The following CROCC variants were observed in gnomAD, a reference collection of about 807,000 sequenced individuals.
CROCC encodes the protein rootletin.
Under a neutral mutation model 245.2 loss-of-function variants are expected in CROCC, and 180 were observed. The ratio of observed to expected loss-of-function variants is 0.73; its 90% CI spans 0.65 to 0.83. The LOEUF is 0.83. Among genes scored for constraint, CROCC ranks in the 40% least tolerant of loss-of-function variants. The pLI, the probability that CROCC is intolerant of heterozygous loss-of-function variation, is 0.00. For missense variants in CROCC, 2,688 were observed against 2,779.4 expected (o/e 0.97, Z 0.74); for synonymous variants, 1,205 against 1,241.6 (o/e 0.97, Z 0.62).
Position 16,956,007 on chromosome 1 carries a change from G to A in CROCC, c.3715G>A (p.Ala1239Thr). ...AESERISLKL[A>T]NEDKEQKLAL... ...CTCTGCCCTCTCCAGCCTGAAGCTTGCCAATGAGGACAAGGAGCAGAAGCT... is the reference window on the plus strand; with the variant it reads ...CTCTGCCCTCTCCAGCCTGAAGCTTACCAATGAGGACAAGGAGCAGAAGCT... Residue 1239 changes from alanine (A) to threonine (T), a missense_variant, in exon 25 of 37, where the codon GCC becomes ACC. By Grantham distance (58) the Ala-to-Thr change is moderately conservative. Coordinates refer to ENST00000375541, the MANE Select transcript of CROCC (RefSeq NM_014675.5). The A allele has an allele frequency of 6.4e-7, 1 of 1,550,562 alleles. No individual in the cohort carries two copies. Among genetic ancestry groups the A allele is most frequent in the Non-Finnish European group, 8.7e-7 (1 of 1,147,020 alleles).
Position 16,946,945 on chromosome 1 carries a change from C to T in CROCC, c.2468C>T (p.Pro823Leu). The change falls in exon 17 of 37, where the codon CCC becomes CTC. Residue 823 changes from proline (P) to leucine (L), a missense_variant. Pro to Leu is a moderately conservative substitution (Grantham distance 98). Coordinates refer to ENST00000375541, the MANE Select transcript of CROCC (RefSeq NM_014675.5). ...QAQEALEQQLPTLRHERSQLQ... is the reference protein window; with the variant it reads ...QAQEALEQQLLTLRHERSQLQ... Reference sequence around the variant, plus strand: ...CAGGAGGCATTGGAGCAGCAGCTCCCCACGCTGCGCCATGAGCGCAGCCAG... The same window carrying T: ...CAGGAGGCATTGGAGCAGCAGCTCCTCACGCTGCGCCATGAGCGCAGCCAG... 2 of 1,559,932 alleles carry T rather than the reference C, an allele frequency of 1.3e-6. No individual in the cohort carries two copies. The highest frequency in any genetic ancestry group is 2.4e-5 in the East Asian group (1 of 41,916).
intron 1 of CROCC, among the ~76,000 whole-genome samples, chr1:16,916,676 AT>A (rs1230134396): frequency 7.2e-5 from 11 of 152,206 alleles, no homozygotes; most frequent in African/African-American, 1.9e-4. Flanking sequence ...TGCCAGGCCA[AT>A]TTTTTTTATT....
chr1:16,943,191 G>A (rs556351562), intron 13 of CROCC, among the ~76,000 whole-genome samples: 276 of 151,722 alleles, frequency 1.8e-3, no homozygotes, highest in African/African-American at 6.3e-3. Context: ...GCAGCAAGCC[G>A]AGATCGTGCA....
chr1:16,970,603 G>A, intron 34 of CROCC, 33 bp from the exon 35 acceptor site: 1 of 1,508,190 alleles, frequency 6.6e-7, no homozygotes, highest in Non-Finnish European at 8.9e-7. Flanking sequence ...AGCTCCTCCT[G>A]GCACCCTGAT....
chr1:16,947,711 C>T (rs567505205), intron 17 of CROCC, among the ~76,000 whole-genome samples: 29 of 152,280 alleles, frequency 1.9e-4, no homozygotes, highest in South Asian at 1.0e-3. Context: ...TGAGGCCTGC[C>T]GAGCAGCTGC....
rs536313354 is a variant in CROCC at position 16,929,862 on chromosome 1, G to A, written c.368G>A (p.Arg123Gln). 11 of 1,569,586 alleles carry A rather than the reference G, an allele frequency of 7.0e-6. No individual in the cohort carries two copies. Among genetic ancestry groups the A allele is most frequent in the South Asian group, 4.7e-5 (4 of 85,512 alleles). ...AVSERLEQALRLEPGELETQE... is the reference protein window; with the variant it reads ...AVSERLEQALQLEPGELETQE... ...TCCCTGCAGCTGGAGCAGGCTCTGC[G>A]GCTGGAGCCTGGGGAGCTGGAGACG... Residue 123 changes from arginine (R) to glutamine (Q), a missense_variant, in exon 4 of 37, where the codon CGG becomes CAG. Physicochemically the swap from Arg to Gln is conservative, Grantham distance 43 (BLOSUM62 1). This residue lies in a region of CROCC where 972 missense variants were observed against 895.3 expected (regional missense o/e 1.09). Transcript: ENST00000375541.
chr1:16,924,269 GGGA>G, intron 2 of CROCC, 53 bp from the exon 3 acceptor site: 1 of 1,588,582 alleles, frequency 6.3e-7, no homozygotes, highest in Non-Finnish European at 8.6e-7. Flanking sequence ...CCCTGTTGGG[GGGA>G]GGATGTCCCA....
In CROCC at chr1:16,949,023, T is replaced by C; in HGVS notation, c.2836+97T>C. Reference sequence around the variant, plus strand: ...CTCACAGAAGTTGGGAGCACTGGAGTAGGAGTCTGGCTGGCCTGGGTTCCA... The same window carrying C: ...CTCACAGAAGTTGGGAGCACTGGAGCAGGAGTCTGGCTGGCCTGGGTTCCA... On this transcript the variant is annotated intron_variant, in intron 19 of 36. Transcript: ENST00000375541. 4.7e-6 allele frequency: 7 copies of C among 1,497,158 alleles called. No homozygotes were observed. The South Asian group carries it at 7.8e-5, about 17-fold the overall frequency. The allele number at this position is 1,497,158 out of a possible 1,614,324, so 92.7% of individuals were successfully genotyped here. A position where few individuals can be genotyped will look rare whatever the true frequency, so the allele number is the denominator to read the frequency against.
intron 15 of CROCC, 124 bp from the exon 16 acceptor site, chr1:16,946,133 CTG>C (rs1462448692): frequency 6.0e-5 from 66 of 1,098,450 alleles, no homozygotes; most frequent in Non-Finnish European, 8.4e-5. Context: ...CCATCTCACA[CTG>C]TGTCCCCTCC....
In CROCC at chr1:16,937,674, T is replaced by A. The variant is rs763134029; in HGVS notation, c.1227T>A (p.Leu409=). 1.7e-5 allele frequency: 28 copies of A among 1,611,602 alleles called. No homozygotes were observed. Among genetic ancestry groups the A allele is most frequent in the South Asian group, 2.2e-5 (2 of 90,908 alleles). ...VTELGLAVKR[L]EKQNLEKDQV... ...AGCTGGGCCTGGCAGTGAAGCGTCT[T>A]GAGAAGCAGAATCTGGAGAAGGATC... The change falls in exon 10 of 37, where the codon CTT becomes CTA. Residue 409 remains leucine, a synonymous_variant. Transcript: ENST00000375541.
At chr1:16,942,613 C>T (rs1488925724) in intron 13 of CROCC, among the ~76,000 whole-genome samples, 5 of 152,262 alleles carry the variant, frequency 3.3e-5, no homozygotes, top group South Asian at 2.1e-4. Flanking sequence ...TCATGCAATT[C>T]GGAACTCTGT....
At chr1:16,919,476 C>T (rs1399783620), upstream of CROCC, among the ~76,000 whole-genome samples, 1 of 152,284 alleles carries the variant, frequency 6.6e-6, no homozygotes, top group South Asian at 2.1e-4. Flanking sequence ...GGACGGAGGG[C>T]TGAGGCATAG....
upstream of CROCC, among the ~76,000 whole-genome samples, chr1:16,921,103 C>T (rs1444435717): frequency 9.8e-5 from 15 of 152,388 alleles, no homozygotes; most frequent in East Asian, 7.7e-4. Flanking sequence ...GTGTTGGCCA[C>T]GTGACCCCCC....
At chr1:16,951,606 A>C in intron 20 of CROCC, among the ~76,000 whole-genome samples, 1 of 143,612 alleles carries the variant, frequency 7.0e-6, no homozygotes, top group East Asian at 2.0e-4. Context: ...TAGGATAGTG[A>C]AAGGTATTGA....
rs1257806800 is a variant in CROCC at position 16,966,487 on chromosome 1, G to A, written c.4776G>A (p.Glu1592=). ...ALQEESVRRS[E]RERRATLDQV... is the part of the protein sequence containing the mutation. The stretch of plus-strand genomic sequence containing the variant: ...AGGAGGAGAGTGTGCGGCGCAGTGA[G>A]CGGGAGCGCCGGGCCACGCTGGACC... The change falls in exon 30 of 37, where the codon GAG becomes GAA. Residue 1592 remains glutamate, a synonymous_variant. Coordinates refer to ENST00000375541, the MANE Select transcript of CROCC (RefSeq NM_014675.5). This position sits in a 1 kb window ranked among gnomAD's most constrained non-coding sequence, Gnocchi z 4.8. 5.9e-6 allele frequency: 9 copies of A among 1,534,158 alleles called. No homozygotes were observed. The highest frequency in any genetic ancestry group is 2.5e-5 in the East Asian group (1 of 40,794).
In CROCC at chr1:16,936,881, C is replaced by G. The variant is rs1244555199; in HGVS notation, c.1193+8C>G. The G allele has an allele frequency of 1.2e-6, 2 of 1,605,662 alleles. No homozygotes were observed. Among genetic ancestry groups the G allele is most frequent in the Non-Finnish European group, 8.5e-7 (1 of 1,174,960 alleles). The stretch of plus-strand genomic sequence containing the variant: ...GGCTGACCTCAGTGCCAGGTGGGTA[C>G]CTGGTGGATGCCGCACGAGGCAGGC... On this transcript the variant is annotated splice_region_variant and intron_variant, in intron 9 of 36. Transcript: ENST00000375541.
chr1:16,922,093 C>T lies in CROCC; in HGVS notation c.60+15C>T. 6.5e-7 allele frequency: 1 copy of T among 1,538,230 alleles called. No individual in the cohort carries two copies. The highest frequency in any genetic ancestry group is 8.8e-7 in the Non-Finnish European group (1 of 1,140,458). On this transcript the variant is annotated intron_variant, in intron 1 of 36. Coordinates refer to ENST00000375541, the MANE Select transcript of CROCC (RefSeq NM_014675.5). The stretch of plus-strand genomic sequence containing the variant: ...CGGTTATCCAGGTGGGTCCTGGGGG[C>T]TGTGCCCACCCTGTCTGGGGCGGGG...
At chr1:16,949,145 C>G (rs2076116893) in intron 19 of CROCC, among the ~76,000 whole-genome samples, 1 of 152,282 alleles carries the variant, frequency 6.6e-6, no homozygotes, top group Non-Finnish European at 1.5e-5. Context: ...GTGGCAATGC[C>G]CACCTTCTAA....
intron 8 of CROCC, among the ~76,000 whole-genome samples, chr1:16,935,929 G>A (rs1419460339): frequency 1.3e-5 from 2 of 152,272 alleles, no homozygotes; most frequent in East Asian, 3.8e-4. Flanking sequence ...GAGCCGGTGG[G>A]GAAGGTCCTA....
Sources: allele counts gnomAD v4.1 joint callset (sites outside exome capture counted in the v4.1 genomes callset), GRCh38; gene constraint gnomAD v4.1.1; regional missense constraint gnomAD v4.1.1; non-coding constraint Gnocchi (gnomAD v3.1); transcripts MANE v1.5; gene names NCBI Gene and HGNC (gene_info 2026-07-23, HGNC 2026-07-21).